KCTD2: variants seen among roughly 807,000 people sequenced by gnomAD.
The protein encoded by KCTD2 is BTB/POZ domain-containing protein KCTD2.
Under a neutral mutation model 27.9 loss-of-function variants are expected in KCTD2, and 18 were observed. The observed-to-expected ratio is 0.64, with a 90% CI of 0.45 to 0.96. KCTD2 has a LOEUF of 0.96. Ranked by LOEUF, KCTD2 falls within the 40% of genes least tolerant of loss-of-function variation. The probability of loss-of-function intolerance (pLI) is 0.00; values close to 1 mark genes in which losing one functional copy is unlikely to be tolerated. For missense variants in KCTD2, 280 were observed against 348.0 expected (o/e 0.80, Z 1.56); for synonymous variants, 175 against 148.4 (o/e 1.18, Z -1.30).
chr17:75,059,798 CAG>C (rs975626249), intron 4 of KCTD2, among the ~76,000 whole-genome samples, 193 bp downstream of exon 4: 2 of 152,158 alleles, frequency 1.3e-5, no homozygotes, highest in African/African-American at 4.8e-5. Flanking sequence ...GTTGGGGAAA[CAG>C]AGGAGCATCA....
chr17:75,063,912 A>C lies in KCTD2; in HGVS notation c.*865A>C, dbSNP rs2073430186. 1 of 152,716 alleles carries C rather than the reference A, an allele frequency of 6.5e-6. No individual in the cohort carries two copies. The highest frequency in any genetic ancestry group is 2.4e-5 in the African/African-American group (1 of 41,464). The allele number at this position is 152,716 out of a possible 1,614,324, so 9.5% of individuals were successfully genotyped here. A position where few individuals can be genotyped will look rare whatever the true frequency, so the allele number is the denominator to read the frequency against. ...TTTCAACTGGACCAAAGATGAAGGC[A>C]CTTATGGACCCTTTGATGGCTTGGA... is the stretch of plus-strand genomic sequence containing the variant. On this transcript the variant is annotated 3_prime_UTR_variant, in exon 6 of 6. Transcript: ENST00000322444.
At chr17:75,037,442 C>T (rs1043635750) in intron 3 of KCTD2, among the ~76,000 whole-genome samples, 1 of 151,986 alleles carries the variant, frequency 6.6e-6, no homozygotes, top group Non-Finnish European at 1.5e-5. Flanking sequence ...CACATCAAGT[C>T]AGCCTTTGCT....
chr17:75,036,044 A>AT (rs1465457006), intron 3 of KCTD2: 20 of 452,636 alleles, frequency 4.4e-5, no homozygotes, highest in Non-Finnish European at 8.4e-5. Flanking sequence ...AATAAATGCT[A>AT]ATTTTTTTTT....
At position 75,047,446 on chromosome 17, in the gene KCTD2, G is replaced by C; in HGVS notation, c.196G>C (p.Gly66Arg). ...EPGPGPPERAGGGGAARWVRL... is the reference protein window; with the variant it reads ...EPGPGPPERARGGGAARWVRL... ...GGGTCCCGGACCACCCGAGCGGGCAGGGGGCGGCGGCGCGGCCCGCTGGGT... is the reference window on the plus strand; with the variant it reads ...GGGTCCCGGACCACCCGAGCGGGCACGGGGCGGCGGCGCGGCCCGCTGGGT... The change falls in exon 1 of 6, where the codon GGG (glycine) becomes CGG (arginine). Residue 66 changes from glycine to arginine, a missense_variant. Gly to Arg is a moderately radical substitution (Grantham distance 125). Coordinates refer to ENST00000322444, the MANE Select transcript of KCTD2 (RefSeq NM_015353.3). 6.6e-7 allele frequency: 1 copy of C among 1,522,358 alleles called. No homozygotes were observed. The highest frequency in any genetic ancestry group is 1.9e-5 in the Admixed American group (1 of 51,980). 94.3% of individuals were successfully genotyped at this position (1,522,358 alleles called of 1,614,324 possible). A position where few individuals can be genotyped will look rare whatever the true frequency, so the allele number is the denominator to read the frequency against.
intron 3 of KCTD2, among the ~76,000 whole-genome samples, chr17:75,036,229 G>A (rs1160493561): frequency 1.3e-5 from 2 of 150,960 alleles, no homozygotes; most frequent in African/African-American, 4.9e-5. Flanking sequence ...AGGGAATGGA[G>A]TTTTGTCTGC....
At chr17:75,051,573 CAT>C (rs2073287312) in intron 2 of KCTD2, among the ~76,000 whole-genome samples, 1 of 150,608 alleles carries the variant, frequency 6.6e-6, no homozygotes, top group Non-Finnish European at 1.5e-5. Context: ...CGTGAGCCAC[CAT>C]GCCCGACCTT....
chr17:75,060,642 G>A, intron 4 of KCTD2: 6 of 1,560,628 alleles, frequency 3.8e-6, no homozygotes, highest in Non-Finnish European at 5.2e-6. Flanking sequence ...CGTGGCGAGT[G>A]GGCCCGGCCA....
Position 75,063,131 on chromosome 17 carries a change from A to C in KCTD2, c.*84A>C. The C allele has an allele frequency of 1.5e-6, 2 of 1,298,596 alleles. No individual in the cohort carries two copies. Among genetic ancestry groups the C allele is most frequent in the Admixed American group, 1.8e-5 (1 of 55,414 alleles). The allele number at this position is 1,298,596 out of a possible 1,614,324, so 80.4% of individuals were successfully genotyped here. A position where few individuals can be genotyped will look rare whatever the true frequency, so the allele number is the denominator to read the frequency against. On this transcript the variant is annotated 3_prime_UTR_variant, in exon 6 of 6. Transcript: ENST00000322444. ...AGTGAAACCTCACTCCTGTCCAGTG[A>C]CCGAGCCACTGCAAAGCACAGCTGA...
intron 2 of KCTD2, among the ~76,000 whole-genome samples, chr17:75,051,635 T>G (rs2073288652): frequency 6.6e-6 from 1 of 150,782 alleles, no homozygotes; most frequent in Non-Finnish European, 1.5e-5. Flanking sequence ...TATTTCCCCC[T>G]CCCTACCCCC....
chr17:75,033,838 C>T (rs937566197), intron 1 of KCTD2, among the ~76,000 whole-genome samples: 1 of 152,236 alleles, frequency 6.6e-6, no homozygotes, highest in Non-Finnish European at 1.5e-5. Context: ...GCGCCTCTGT[C>T]AGGCCTTCTC....
chr17:75,059,431 CATTT>C, intron 3 of KCTD2, 75 bp from the exon 4 acceptor site: 1 of 853,500 alleles, frequency 1.2e-6, no homozygotes, highest in Non-Finnish European at 1.8e-6. Context: ...AGTGTTTATT[CATTT>C]GAAGAGCCTC....
chr17:75,036,973 C>T lies in KCTD2; in HGVS notation c.-259+1616C>T, dbSNP rs376551538. On this transcript the variant is annotated intron_variant, in intron 3 of 7. Coordinates refer to the KCTD2 transcript ENST00000581589. ...ACCAATCAGGAGCCATGCACCCAGG[C>T]TCTCCTCTGCTTATGTTAAGACTAC... 3.9e-5 allele frequency among the ~76,000 whole-genome samples: 6 copies of T among 152,302 alleles called. No individual in the cohort carries two copies. In the East Asian group the frequency reaches 7.7e-4, roughly 20 times the overall value.
chr17:75,049,284 T>G lies in KCTD2; in HGVS notation c.404T>G (p.Leu135Arg). 6.2e-7 allele frequency: 1 copy of G among 1,613,750 alleles called. No homozygotes were observed. Among genetic ancestry groups the G allele is most frequent in the Non-Finnish European group, 8.5e-7 (1 of 1,179,682 alleles). Residue 135 changes from leucine (L) to arginine (R), a missense_variant, in exon 2 of 6, where the codon CTC becomes CGC. Coordinates refer to ENST00000322444, the MANE Select transcript of KCTD2 (RefSeq NM_015353.3). ...PTYFGPILNY[L>R]RHGKLIITKE... ...TACTTTGGTCCTATCCTCAACTACC[T>G]CCGCCACGGGAAACTCATCATCACT...
intron 3 of KCTD2, among the ~76,000 whole-genome samples, chr17:75,036,467 G>C (rs1396368981): frequency 6.6e-6 from 1 of 152,214 alleles, no homozygotes; most frequent in African/African-American, 2.4e-5. Flanking sequence ...ACGCAAAAAT[G>C]CTGAACAATC....
chr17:75,047,209 C>T, upstream of KCTD2: 1 of 663,856 alleles, frequency 1.5e-6, no homozygotes, highest in South Asian at 4.7e-5. Flanking sequence ...ATGGGCCGGC[C>T]CGGCTGCGCG....
chr17:75,049,162 C>T, intron 1 of KCTD2, 58 bp from the exon 2 acceptor site: 2 of 1,011,462 alleles, frequency 2.0e-6, no homozygotes, highest in Non-Finnish European at 3.0e-6. Flanking sequence ...TCCTGCCCTG[C>T]CTTTGTTTAA....
intron 3 of KCTD2, among the ~76,000 whole-genome samples, chr17:75,055,819 C>T (rs569470111): frequency 5.6e-5 from 8 of 142,212 alleles, no homozygotes; most frequent in South Asian, 2.2e-4. Flanking sequence ...GCAACAGGAG[C>T]GAAACTCCCA....
Position 75,064,636 on chromosome 17 carries a change from A to G in KCTD2, c.*1589A>G, listed in dbSNP as rs1329740082. On this transcript the variant is annotated 3_prime_UTR_variant, in exon 6 of 6. Coordinates refer to ENST00000322444, the MANE Select transcript of KCTD2 (RefSeq NM_015353.3). ...TGTAGCATAGCATAGAACCCGGTAT[A>G]CAGGGGTTTCTGCTGACACATCAAC... 6.6e-6 allele frequency: 1 copy of G among 152,170 alleles called. No individual in the cohort carries two copies. 9.4% of individuals were successfully genotyped at this position (152,170 alleles called of 1,614,324 possible).
At chr17:75,054,711 G>A (rs2073332172) in intron 3 of KCTD2, among the ~76,000 whole-genome samples, 1 of 151,974 alleles carries the variant, frequency 6.6e-6, no homozygotes, top group Non-Finnish European at 1.5e-5. Flanking sequence ...GGAGGCTGAA[G>A]CAGGAGAATG....
Sources: allele counts gnomAD v4.1 joint callset (sites outside exome capture counted in the v4.1 genomes callset), GRCh38; gene constraint gnomAD v4.1.1; transcripts MANE v1.5; gene names NCBI Gene and HGNC (gene_info 2026-07-23, HGNC 2026-07-21).